The following SEC11A variants were observed in gnomAD, a reference collection of about 807,000 sequenced individuals.
SEC11A encodes signal peptidase complex catalytic subunit SEC11A.
SEC11A carries 14 observed loss-of-function variants against 25.6 expected under a neutral mutation model. That is an observed-to-expected ratio of 0.55 (90% confidence interval 0.36 to 0.85). The LOEUF (loss-of-function observed/expected upper bound fraction) is 0.85, where lower values mean the gene tolerates loss of function less well. Ranked by LOEUF, SEC11A falls within the 40% of genes least tolerant of loss-of-function variation. The probability of loss-of-function intolerance (pLI) is 0.01; values close to 1 mark genes in which losing one functional copy is unlikely to be tolerated. For synonymous variants in SEC11A, 83 were observed against 76.4 expected, an observed-to-expected ratio of 1.09 and a Z score of -0.45; for missense variants, 153 against 222.9, an observed-to-expected ratio of 0.69 and a Z score of 2.00.
chr15:84,670,052 C>T lies in SEC11A; in HGVS notation c.507G>A (p.Leu169=). 1 of 1,612,488 alleles carries T rather than the reference C, an allele frequency of 6.2e-7. No individual in the cohort carries two copies. Among genetic ancestry groups the T allele is most frequent in the Non-Finnish European group, 8.5e-7 (1 of 1,179,402 alleles). ...GATGAACCAGCACGAATAAACCCAG[C>T]AAAAAGAGAACTGCATACTAGAAAA... ...YPKFKYAVLF[L]LGLFVLVHRE The change falls in exon 6 of 6, where the codon TTG becomes TTA. Residue 169 remains leucine (L), a synonymous_variant. Coordinates refer to ENST00000268220, the MANE Select transcript of SEC11A (RefSeq NM_014300.4).
intron 2 of SEC11A, among the ~76,000 whole-genome samples, chr15:84,690,931 A>T (rs1897585927): frequency 6.6e-6 from 1 of 152,222 alleles, no homozygotes; most frequent in African/African-American, 2.4e-5. Flanking sequence ...GAAGAATTTC[A>T]GGAAAATAAA....
chr15:84,685,779 T>C (rs1436172957), intron 3 of SEC11A: 1 of 149,956 alleles, frequency 6.7e-6, no homozygotes, highest in Admixed American at 6.8e-5. Flanking sequence ...TAAACCTCTG[T>C]AATTCCAAAA....
chr15:84,677,629 C>G (rs988678568), intron 4 of SEC11A, among the ~76,000 whole-genome samples: 2 of 151,882 alleles, frequency 1.3e-5, no homozygotes, highest in Non-Finnish European at 1.5e-5. Flanking sequence ...CCCGCCACCA[C>G]GCCCAGCTAA....
chr15:84,684,312 C>T (rs1158469508), intron 3 of SEC11A, among the ~76,000 whole-genome samples: 1 of 152,110 alleles, frequency 6.6e-6, no homozygotes, highest in Non-Finnish European at 1.5e-5. Flanking sequence ...GGGGGCAGGT[C>T]TTTCCCAAGC....
intron 4 of SEC11A, among the ~76,000 whole-genome samples, chr15:84,675,268 T>C (rs1325397712): frequency 2.0e-5 from 3 of 152,192 alleles, no homozygotes; most frequent in South Asian, 2.1e-4. Flanking sequence ...TATAGTTAAA[T>C]ACATTTCCGT....
chr15:84,699,334 A>C (rs892833412), intron 1 of SEC11A, among the ~76,000 whole-genome samples: 90 of 151,710 alleles, frequency 5.9e-4, no homozygotes, highest in African/African-American at 2.1e-3. Context: ...AAAAAAAAAA[A>C]ACCAGGAAAC....
In SEC11A at chr15:84,682,430, C is replaced by G. The variant is rs141551917; in HGVS notation, c.312-1598G>C. ...TCAGATATGCCAGGGTTTACAGGAACAGTATTTTGTTTTTTTGTTTTGTTT... is the reference window on the plus strand; with the variant it reads ...TCAGATATGCCAGGGTTTACAGGAAGAGTATTTTGTTTTTTTGTTTTGTTT... On this transcript the variant is annotated intron_variant, in intron 3 of 5. Transcript: ENST00000268220. Among the ~76,000 whole-genome samples the G allele has an allele frequency of 4.0e-3, 603 of 151,948 alleles. 1 individual carries two copies. Among genetic ancestry groups the G allele is most frequent in the Non-Finnish European group, 6.1e-3 (414 of 67,946 alleles).
intron 1 of SEC11A, among the ~76,000 whole-genome samples, chr15:84,713,138 G>C (rs112017683): frequency 1.3e-5 from 2 of 149,954 alleles, no homozygotes; most frequent in Admixed American, 6.7e-5. Flanking sequence ...AGCTTGCAGT[G>C]AGTCAAGATT....
At chr15:84,704,069 G>A (rs1004894638) in intron 1 of SEC11A, among the ~76,000 whole-genome samples, 1 of 152,112 alleles carries the variant, frequency 6.6e-6, no homozygotes, top group African/African-American at 2.4e-5. Context: ...CCTGCCAACC[G>A]CAAAAAACCA....
chr15:84,674,207 TTTTATATATA>T (rs1897075471), intron 4 of SEC11A, among the ~76,000 whole-genome samples: 1 of 150,670 alleles, frequency 6.6e-6, no homozygotes, highest in Admixed American at 6.6e-5. Context: ...GTTTTCTACA[TTTTATATATA>T]TTTATATATA....
At chr15:84,671,614 TTAAA>T (rs1896984917) in intron 4 of SEC11A, 1 of 152,194 alleles carries the variant, frequency 6.6e-6, no homozygotes, top group African/African-American at 2.4e-5. Context: ...ATACTTTTAC[TTAAA>T]TAATTAGTTG....
intron 2 of SEC11A, among the ~76,000 whole-genome samples, 161 bp downstream of exon 2, chr15:84,691,374 T>C (rs1897601926): frequency 1.3e-5 from 2 of 152,178 alleles, no homozygotes; most frequent in Non-Finnish European, 2.9e-5. Context: ...GTGCCCAGCC[T>C]GAGAATTTCT....
At chr15:84,703,292 G>A (rs1003287731) in intron 1 of SEC11A, among the ~76,000 whole-genome samples, 1 of 152,156 alleles carries the variant, frequency 6.6e-6, no homozygotes, top group Admixed American at 6.6e-5. Context: ...CCAAAAAATA[G>A]GGCATGCACA....
intron 1 of SEC11A, among the ~76,000 whole-genome samples, chr15:84,714,156 CA>C (rs1022192841): frequency 4.2e-4 from 64 of 151,042 alleles, no homozygotes; most frequent in African/African-American, 1.4e-3. Flanking sequence ...GCTGGAACTA[CA>C]GGCGTGCGCC....
At chr15:84,706,424 G>A (rs965551312) in intron 1 of SEC11A, among the ~76,000 whole-genome samples, 2 of 152,068 alleles carry the variant, frequency 1.3e-5, no homozygotes, top group African/African-American at 4.8e-5. Context: ...AATATAACTG[G>A]AATATAGGGG....
At chr15:84,703,048 G>A (rs1897994590) in intron 1 of SEC11A, among the ~76,000 whole-genome samples, 1 of 152,298 alleles carries the variant, frequency 6.6e-6, no homozygotes, top group Non-Finnish European at 1.5e-5. Flanking sequence ...GTAATGGATA[G>A]GGATGCTATA....
At chr15:84,679,890 A>G in intron 4 of SEC11A, 15 of 1,399,012 alleles carry the variant, frequency 1.1e-5, no homozygotes, top group Non-Finnish European at 1.5e-5. Context: ...AATTACATTA[A>G]GGGAGCAACA....
At position 84,705,177 on chromosome 15, in the gene SEC11A, G is replaced by A. The variant is rs914232427; in HGVS notation, c.51+10848C>T. Among the ~76,000 whole-genome samples, 6 of 152,250 alleles carry A rather than the reference G, an allele frequency of 3.9e-5. 1 individual carries two copies. The East Asian group carries it at 1.2e-3, about 29-fold the overall frequency. On this transcript the variant is annotated intron_variant, in intron 1 of 5. Transcript: ENST00000268220. ...TGGCCTCAAGTGATCCTCCTGTCCA[G>A]GCTTCCCAAAGTGCTGGGATTATAG...
chr15:84,711,459 C>G (rs1898263665), intron 1 of SEC11A, among the ~76,000 whole-genome samples: 1 of 151,730 alleles, frequency 6.6e-6, no homozygotes, highest in African/African-American at 2.4e-5. Flanking sequence ...AACAAGCTTC[C>G]TAAATTTTCA....
Sources: allele counts gnomAD v4.1 joint callset (sites outside exome capture counted in the v4.1 genomes callset), GRCh38; gene constraint gnomAD v4.1.1; transcripts MANE v1.5; gene names NCBI Gene and HGNC (gene_info 2026-07-23, HGNC 2026-07-21).